The following GNPDA2 variants were observed in gnomAD, a reference collection of about 807,000 sequenced individuals.
The protein encoded by GNPDA2 is glucosamine-6-phosphate deaminase 2, also known as glcN6P deaminase 2.
In GNPDA2, 24 loss-of-function variants were observed where a neutral mutation model predicts 27.0. The ratio of observed to expected loss-of-function variants is 0.89; its 90% CI spans 0.64 to 1.25. The LOEUF is 1.25. GNPDA2 is among the 50% of genes most tolerant of loss of function. The probability of loss-of-function intolerance (pLI) is 0.00; values close to 1 mark genes in which losing one functional copy is unlikely to be tolerated. For synonymous variants in GNPDA2, 94 were observed against 108.4 expected, an observed-to-expected ratio of 0.87 and a Z score of 0.83; for missense variants, 286 against 335.1, an observed-to-expected ratio of 0.85 and a Z score of 1.14.
Position 44,707,804 on chromosome 4 carries a change from G to A in GNPDA2, c.717C>T (p.Cys239=), listed in dbSNP as rs377120722. The change falls in exon 6 of 7, where the codon TGC becomes TGT. Residue 239 remains cysteine (C), a synonymous_variant. Coordinates refer to ENST00000295448, the MANE Select transcript of GNPDA2 (RefSeq NM_138335.3). ...TTAATTCTAAAGTAGCATCTTCATCGCATACAAAAATAGTCCGGGGATGCT... is the reference window on the plus strand; with the variant it reads ...TTAATTCTAAAGTAGCATCTTCATCACATACAAAAATAGTCCGGGGATGCT... The part of the protein sequence containing the change: ...FQQHPRTIFV[C]DEDATLELRV... 9.3e-6 allele frequency: 15 copies of A among 1,612,940 alleles called. No homozygotes were observed. Among genetic ancestry groups the A allele is most frequent in the African/African-American group, 8.0e-5 (6 of 74,844 alleles).
At chr4:44,722,368 C>T in intron 1 of GNPDA2, 126 bp from the exon 2 acceptor site, 2 of 659,874 alleles carry the variant, frequency 3.0e-6, no homozygotes, top group Non-Finnish European at 4.9e-6. Flanking sequence ...TTTAAAAGTA[C>T]ATTACTGAAG....
chr4:44,702,870 G>C lies in GNPDA2; in HGVS notation c.*211C>G. The C allele has an allele frequency of 7.2e-7, 1 of 1,388,658 alleles. No homozygotes were observed. Among genetic ancestry groups the C allele is most frequent in the South Asian group, 1.7e-5 (1 of 60,188 alleles). 86.0% of individuals were successfully genotyped at this position (1,388,658 alleles called of 1,614,324 possible). The stretch of plus-strand genomic sequence containing the variant: ...TGACTTCAGTACTTTATAATAAATA[G>C]CCAGTCAATCTTGAGAGCCAGCTAC... On this transcript the variant is annotated 3_prime_UTR_variant, in exon 7 of 7. Transcript: ENST00000295448.
chr4:44,722,986 GAAGA>G (rs1179603853), intron 1 of GNPDA2, among the ~76,000 whole-genome samples: 2 of 152,138 alleles, frequency 1.3e-5, no homozygotes, highest in Non-Finnish European at 2.9e-5. Context: ...GAATTCAACA[GAAGA>G]AAAAGAAAAC....
intron 4 of GNPDA2, among the ~76,000 whole-genome samples, chr4:44,713,044 C>T (rs1358184973): frequency 6.6e-6 from 1 of 152,132 alleles, no homozygotes; most frequent in Non-Finnish European, 1.5e-5. Flanking sequence ...TTTAGAATAA[C>T]AAGTGACACA....
Position 44,710,132 on chromosome 4 carries a change from T to A in GNPDA2, c.594+821A>T, listed in dbSNP as rs376725299. 1.4e-3 allele frequency among the ~76,000 whole-genome samples: 207 copies of A among 152,314 alleles called. 7 individuals are homozygous for A. The South Asian group carries it at 0.041, about 30-fold the overall frequency. On this transcript the variant is annotated intron_variant, in intron 5 of 6. Coordinates refer to ENST00000295448, the MANE Select transcript of GNPDA2 (RefSeq NM_138335.3). ...TTTTTTCAACTTATTGACTATGAAG[T>A]TTCAGTCCTTGAAAGGTCTTTTATT...
chr4:44,710,624 T>C (rs894475051), intron 5 of GNPDA2, among the ~76,000 whole-genome samples: 5 of 152,128 alleles, frequency 3.3e-5, no homozygotes, highest in Admixed American at 1.3e-4. Flanking sequence ...TGCATCATTG[T>C]CCCAACAGTC....
intron 4 of GNPDA2, among the ~76,000 whole-genome samples, chr4:44,715,397 G>C (rs1717222230): frequency 6.6e-6 from 1 of 152,106 alleles, no homozygotes; most frequent in Middle Eastern, 3.2e-3. Flanking sequence ...GTCTACAAAT[G>C]AAGATATTTT....
intron 1 of GNPDA2, among the ~76,000 whole-genome samples, chr4:44,725,809 C>A (rs1237500432): frequency 6.6e-6 from 1 of 152,218 alleles, no homozygotes; most frequent in African/African-American, 2.4e-5. Context: ...CCCTTTCCCT[C>A]GTCTTCCTTC....
chr4:44,719,193 T>G (rs1717517519), intron 2 of GNPDA2, among the ~76,000 whole-genome samples: 2 of 151,988 alleles, frequency 1.3e-5, no homozygotes, highest in Non-Finnish European at 2.9e-5. Flanking sequence ...AACTTCAAAC[T>G]GAAAGGCTAG....
rs1280024672 is a variant in GNPDA2 at position 44,707,657 on chromosome 4, G to C, written c.769+95C>G. On this transcript the variant is annotated intron_variant, in intron 6 of 6. Coordinates refer to ENST00000295448, the MANE Select transcript of GNPDA2 (RefSeq NM_138335.3). ...AGCTATGTGTTGCCACTTTTCAATA[G>C]GTCACAGTGTGAGATTTAACCCCAC... 4 of 1,052,156 alleles carry C rather than the reference G, an allele frequency of 3.8e-6. No individual in the cohort carries two copies. In the African/African-American group the frequency reaches 6.4e-5, roughly 17 times the overall value. 65.2% of individuals were successfully genotyped at this position (1,052,156 alleles called of 1,614,324 possible).
Position 44,711,112 on chromosome 4 carries a change from A to C in GNPDA2, c.435T>G (p.Ala145=). 6.2e-7 allele frequency: 1 copy of C among 1,607,114 alleles called. No homozygotes were observed. The highest frequency in any genetic ancestry group is 8.5e-7 in the Non-Finnish European group (1 of 1,177,450). Residue 145 remains alanine, a synonymous_variant, in exon 5 of 7, where the codon GCT becomes GCG. Transcript: ENST00000295448. ...VGGIGPDGHI[A]FNEPGSSLVS... is the part of the protein sequence containing the mutation. ...CTAAACTGGATCCAGGCTCATTGAA[A>C]GCGATATGACCATCTGGACCAATTC...
intron 1 of GNPDA2, among the ~76,000 whole-genome samples, chr4:44,725,707 C>A (rs1342746896): frequency 1.3e-5 from 2 of 152,146 alleles, no homozygotes; most frequent in Non-Finnish European, 2.9e-5. Flanking sequence ...TTGACTTTTC[C>A]AGTTTTTGCC....
chr4:44,706,020 A>G (rs1716581609), intron 6 of GNPDA2: 1 of 151,952 alleles, frequency 6.6e-6, no homozygotes, highest in African/African-American at 2.4e-5. Context: ...AGATTAGTAC[A>G]GGGATTTATC....
chr4:44,707,060 G>A (rs1310304366), intron 6 of GNPDA2: 1 of 151,912 alleles, frequency 6.6e-6, no homozygotes, highest in Non-Finnish European at 1.5e-5. Flanking sequence ...TCAGAGAATA[G>A]GTTCTACATT....
In GNPDA2 at chr4:44,702,428, AAT is replaced by A; in HGVS notation, c.*651_*652del. On this transcript the variant is annotated 3_prime_UTR_variant, in exon 7 of 7. Coordinates refer to ENST00000295448, the MANE Select transcript of GNPDA2 (RefSeq NM_138335.3). ...ACATGAACCCAAGTCGTTAAATAAA[AAT>A]AAGATATTTGTAAAAAAGTGCTATA... The A allele has an allele frequency of 3.1e-6, 3 of 977,034 alleles. No individual in the cohort carries two copies. The highest frequency in any genetic ancestry group is 3.6e-6 in the Non-Finnish European group (3 of 822,072). 60.5% of individuals were successfully genotyped at this position (977,034 alleles called of 1,614,324 possible). A position where few individuals can be genotyped will look rare whatever the true frequency, so the allele number is the denominator to read the frequency against.
chr4:44,710,169 G>T (rs974292318), intron 5 of GNPDA2, among the ~76,000 whole-genome samples: 10 of 151,976 alleles, frequency 6.6e-5, no homozygotes, highest in African/African-American at 2.4e-4. Flanking sequence ...ATATACCTAT[G>T]ATTTCTAGGT....
At chr4:44,721,962 A>ATG in intron 2 of GNPDA2, 122 bp downstream of exon 2, 1 of 720,360 alleles carries the variant, frequency 1.4e-6, no homozygotes, top group Non-Finnish European at 2.3e-6. Context: ...TTATACTATG[A>ATG]TGTTCAATTA....
chr4:44,704,727 T>C (rs1047587185), intron 6 of GNPDA2: 44 of 984,058 alleles, frequency 4.5e-5, no homozygotes, highest in Non-Finnish European at 4.7e-5. Flanking sequence ...CCTGAAACGT[T>C]ACCAGAAGAA....
intron 5 of GNPDA2, 37 bp downstream of exon 5, chr4:44,710,916 A>T (rs1271515906): frequency 1.4e-6 from 2 of 1,450,244 alleles, no homozygotes; most frequent in Non-Finnish European, 1.9e-6. Flanking sequence ...ATATATTAAC[A>T]TGAAAAGAAA....
Sources: allele counts gnomAD v4.1 joint callset (sites outside exome capture counted in the v4.1 genomes callset), GRCh38; gene constraint gnomAD v4.1.1; transcripts MANE v1.5; gene names NCBI Gene and HGNC (gene_info 2026-07-23, HGNC 2026-07-21).